The following DNAH10 variants were observed in gnomAD, a reference collection of about 807,000 sequenced individuals.
DNAH10 encodes dynein axonemal heavy chain 10, also known as axonemal beta dynein heavy chain 10.
A neutral mutation model predicts 506.6 loss-of-function variants in DNAH10; 348 were observed. The observed-to-expected ratio is 0.69, with a 90% CI of 0.63 to 0.75. The LOEUF (loss-of-function observed/expected upper bound fraction) is 0.75. Ranked by LOEUF, DNAH10 falls within the 30% of genes least tolerant of loss-of-function variation. DNAH10 has a pLI of 0.00. For missense variants in DNAH10, 5,179 were observed against 5,787.1 expected (o/e 0.89, Z 3.41); for synonymous variants, 2,059 against 2,198.6 (o/e 0.94, Z 1.78).
rs566725956 is a variant in DNAH10, at chr12:123,898,057, C to A, written c.9478+90C>A. 1.9e-5 allele frequency: 24 copies of A among 1,256,346 alleles called. No homozygotes were observed. In the African/African-American group the frequency reaches 3.2e-4, roughly 17 times the overall value. The allele number at this position is 1,256,346 out of a possible 1,614,324, so 77.8% of individuals were successfully genotyped here. On this transcript the variant is annotated intron_variant, in intron 55 of 78. Coordinates refer to ENST00000673944, the MANE Select transcript of DNAH10 (RefSeq NM_001372106.1). ...TGATCTTTTCTTTAGTAAGATGGGG[C>A]ATCTTCAGTATTGAGGCCAAACGAA...
rs1368096453 is a variant in DNAH10 at position 123,902,472 on chromosome 12, C to G, written c.9641-467C>G. Among the ~76,000 whole-genome samples, 2 of 152,202 alleles carry G rather than the reference C, an allele frequency of 1.3e-5. No individual in the cohort carries two copies. The highest frequency in any genetic ancestry group is 4.1e-4 in the South Asian group (2 of 4,822). ...TCCGATTGCGATTGGTGTCATGAAG[C>G]AAGTCAGCAAGGAAGGGAGAGAGAG... On this transcript the variant is annotated intron_variant, in intron 56 of 78. Transcript: ENST00000673944. This position sits in a 1 kb window ranked among gnomAD's most constrained non-coding sequence, Gnocchi z 4.5.
intron 21 of DNAH10, among the ~76,000 whole-genome samples, chr12:123,815,218 T>A (rs548512640): frequency 1.1e-3 from 172 of 152,338 alleles, no homozygotes; most frequent in Non-Finnish European, 8.8e-4. Flanking sequence ...CCGTAAAGAT[T>A]TATAATTTTC....
chr12:123,904,994 A>G (rs899073114), intron 57 of DNAH10, among the ~76,000 whole-genome samples: 7 of 152,314 alleles, frequency 4.6e-5, no homozygotes, highest in Non-Finnish European at 1.0e-4. Context: ...ATGCATGACC[A>G]AGGCAACCAG....
chr12:123,775,734 A>G (rs1957415684), intron 5 of DNAH10, among the ~76,000 whole-genome samples: 1 of 152,140 alleles, frequency 6.6e-6, no homozygotes, highest in African/African-American at 2.4e-5. Context: ...ACCTCTGGCT[A>G]TTGTGGGAAA....
chr12:123,851,626 T>G (rs1158873059), intron 35 of DNAH10, among the ~76,000 whole-genome samples: 1 of 152,242 alleles, frequency 6.6e-6, no homozygotes, highest in East Asian at 1.9e-4. Flanking sequence ...TTGGCACAAG[T>G]GCCATTAACT....
chr12:123,919,316 C>T lies in DNAH10; in HGVS notation c.11506+367C>T, dbSNP rs1435534572. On this transcript the variant is annotated intron_variant, in intron 65 of 78. Coordinates refer to ENST00000673944, the MANE Select transcript of DNAH10 (RefSeq NM_001372106.1). This position sits in a 1 kb window ranked among gnomAD's most constrained non-coding sequence, Gnocchi z 4.9. Reference sequence around the variant, plus strand: ...TCTCGAACTCCTGAGCTCAAACGATCCACCCACCTTGGCCTCCTGAAGTGC... The same window carrying T: ...TCTCGAACTCCTGAGCTCAAACGATTCACCCACCTTGGCCTCCTGAAGTGC... 6.6e-6 allele frequency among the ~76,000 whole-genome samples: 1 copy of T among 152,072 alleles called. No individual in the cohort carries two copies. Among genetic ancestry groups the T allele is most frequent in the African/African-American group, 2.4e-5 (1 of 41,388 alleles).
chr12:123,838,597 G>T lies in DNAH10; in HGVS notation c.5044G>T (p.Ala1682Ser), dbSNP rs747646053. Residue 1682 changes from alanine (A) to serine (S), a missense_variant, in exon 29 of 79, where the codon GCT becomes TCT. By Grantham distance (99) the Ala-to-Ser change is moderately conservative (BLOSUM62 1). Coordinates refer to ENST00000673944, the MANE Select transcript of DNAH10 (RefSeq NM_001372106.1). ...CGACTACTTAGATTCGAAGAGAAATGCTTTCCCAAGGTTCTTCTTCATTTC... is the reference window on the plus strand; with the variant it reads ...CGACTACTTAGATTCGAAGAGAAATTCTTTCCCAAGGTTCTTCTTCATTTC... The part of the protein sequence containing the change: ...LNDYLDSKRN[A>S]FPRFFFISDD... 2.2e-5 allele frequency: 36 copies of T among 1,613,930 alleles called. No homozygotes were observed. The highest frequency in any genetic ancestry group is 2.9e-5 in the Non-Finnish European group (34 of 1,179,902).
At chr12:123,873,847 G>A in intron 46 of DNAH10, 137 bp downstream of exon 46, 2 of 1,205,568 alleles carry the variant, frequency 1.7e-6, no homozygotes, top group South Asian at 3.9e-5. Context: ...ACAGGCTGCG[G>A]GGAGCCAGCC....
chr12:123,859,583 G>T (rs118177659), intron 38 of DNAH10, among the ~76,000 whole-genome samples: 2,097 of 152,286 alleles, frequency 0.014, 22 homozygotes, highest in Admixed American at 0.023. Context: ...GGTCCAAATT[G>T]CTTCCTTAAA....
chr12:123,779,806 T>C (rs1957576477), intron 5 of DNAH10, among the ~76,000 whole-genome samples: 1 of 152,168 alleles, frequency 6.6e-6, no homozygotes, highest in African/African-American at 2.4e-5. Flanking sequence ...TTCTTCAGTA[T>C]GTTGCAGGAA....
At chr12:123,888,647 A>G (rs578213197) in intron 52 of DNAH10, among the ~76,000 whole-genome samples, 63 of 152,306 alleles carry the variant, frequency 4.1e-4, no homozygotes, top group African/African-American at 1.5e-3. Context: ...CAGAACTGCA[A>G]GAGAGTCGGT....
At position 123,813,986 on chromosome 12, in the gene DNAH10, T is replaced by G. The variant is rs571950314; in HGVS notation, c.3780+74T>G. 3 of 1,360,420 alleles carry G rather than the reference T, an allele frequency of 2.2e-6. No homozygotes were observed. In the East Asian group the frequency reaches 7.3e-5, roughly 33 times the overall value. The allele number at this position is 1,360,420 out of a possible 1,614,324, so 84.3% of individuals were successfully genotyped here. On this transcript the variant is annotated intron_variant, in intron 21 of 78. Coordinates refer to ENST00000673944, the MANE Select transcript of DNAH10 (RefSeq NM_001372106.1). ...TAACGACCCTTTTCAGAAATGCTTC[T>G]CAAGTATACTGCCATTGATTTGTTT... is the stretch of plus-strand genomic sequence containing the variant.
intron 36 of DNAH10, among the ~76,000 whole-genome samples, chr12:123,856,312 A>ATGTG (rs934954251): frequency 1.3e-5 from 2 of 149,058 alleles, no homozygotes; most frequent in South Asian, 2.1e-4. Context: ...GTGTATATAT[A>ATGTG]TGTGTGTGTG....
At chr12:123,930,272 C>T in intron 72 of DNAH10, 130 bp from the exon 73 acceptor site, 1 of 833,736 alleles carries the variant, frequency 1.2e-6, no homozygotes, top group African/African-American at 1.8e-5. Flanking sequence ...TGCAAGTCAA[C>T]AGGTTCAAGC....
At position 123,771,675 on chromosome 12, in the gene DNAH10, A is replaced by G. The variant is rs768717257; in HGVS notation, c.373A>G (p.Ile125Val). The change falls in exon 3 of 79, where the codon ATT (isoleucine) becomes GTT (valine). Residue 125 changes from isoleucine to valine, a missense_variant. Coordinates refer to ENST00000673944, the MANE Select transcript of DNAH10 (RefSeq NM_001372106.1). The stretch of plus-strand genomic sequence containing the variant: ...AGAGGATGAAGAAATGGACAAAGAG[A>G]TTTCAGAAAAACTCCCTTCCAAAGT... ...NREDEEMDKE[I>V]SEKLPSKRTA... 5.0e-6 allele frequency: 8 copies of G among 1,612,552 alleles called. No individual in the cohort carries two copies. In the Admixed American group the frequency reaches 8.4e-5, roughly 17 times the overall value.
rs973471742 is a variant in DNAH10 at position 123,831,853 on chromosome 12, C to T, written c.4545+1154C>T. Among the ~76,000 whole-genome samples, 19 of 150,616 alleles carry T rather than the reference C, an allele frequency of 1.3e-4. 1 individual carries two copies. In the South Asian group the frequency reaches 2.1e-3, roughly 17 times the overall value. On this transcript the variant is annotated intron_variant, in intron 26 of 78. Transcript: ENST00000673944. ...CCCAGGAGGCAGAGCTGCAGTGAGC[C>T]GAGATCGCACCACTGCACTCCAGCC...
chr12:123,763,364 C>T (rs1956899622), intron 1 of DNAH10, among the ~76,000 whole-genome samples: 1 of 150,022 alleles, frequency 6.7e-6, no homozygotes, highest in Admixed American at 6.6e-5. Context: ...GCCGCCTCCT[C>T]GCAGGAGCAC....
chr12:123,914,656 AC>A, intron 61 of DNAH10, 106 bp downstream of exon 61: 1 of 1,411,460 alleles, frequency 7.1e-7, no homozygotes, highest in Non-Finnish European at 9.5e-7. Context: ...CATCACCAGG[AC>A]CACAGTTGGC....
Position 123,771,703 on chromosome 12 carries a change from G to A in DNAH10, c.396+5G>A, listed in dbSNP as rs760874671. The A allele has an allele frequency of 6.2e-7, 1 of 1,605,922 alleles. No individual in the cohort carries two copies. Among genetic ancestry groups the A allele is most frequent in the East Asian group, 2.2e-5 (1 of 44,718 alleles). ...TCAGAAAAACTCCCTTCCAAAGTAA[G>A]CATGGCTCTTTGTCCTTGTTGGTGG... is the stretch of plus-strand genomic sequence containing the variant. On this transcript the variant is annotated splice_donor_5th_base_variant and intron_variant, in intron 3 of 78. Transcript: ENST00000673944.
Sources: allele counts gnomAD v4.1 joint callset (sites outside exome capture counted in the v4.1 genomes callset), GRCh38; gene constraint gnomAD v4.1.1; non-coding constraint Gnocchi (gnomAD v3.1); transcripts MANE v1.5; gene names NCBI Gene and HGNC (gene_info 2026-07-23, HGNC 2026-07-21).